Variants in B3GLCT observed in about 807,000 individuals in gnomAD.
B3GLCT encodes the protein beta 3-glucosyltransferase.
In B3GLCT, 65 loss-of-function variants were observed where a neutral mutation model predicts 63.4. That is an observed-to-expected ratio of 1.03 (90% confidence interval 0.84 to 1.26). The LOEUF (loss-of-function observed/expected upper bound fraction) is 1.26. Ranked by LOEUF, B3GLCT falls within the 50% of genes most tolerant of loss-of-function variation. B3GLCT has a pLI of 0.00. For synonymous variants in B3GLCT, 233 were observed against 219.2 expected (o/e 1.06, Z -0.55); for missense variants, 577 against 604.8 (o/e 0.95, Z 0.48).
intron 12 of B3GLCT, among the ~76,000 whole-genome samples, chr13:31,289,609 C>T (rs964066390): frequency 3.2e-4 from 16 of 50,090 alleles, no homozygotes; most frequent in South Asian, 1.4e-3. Context: ...CTTTAGCCAT[C>T]GTGCTAAAAG....
chr13:31,228,880 T>G (rs1566050775), intron 3 of B3GLCT, among the ~76,000 whole-genome samples: 1 of 152,232 alleles, frequency 6.6e-6, no homozygotes, highest in African/African-American at 2.4e-5. Context: ...ATTAGTGTTC[T>G]AGATATTTTC....
intron 1 of B3GLCT, among the ~76,000 whole-genome samples, chr13:31,209,787 C>T (rs1869164452): frequency 6.6e-6 from 1 of 152,198 alleles, no homozygotes; most frequent in Non-Finnish European, 1.5e-5. Context: ...TGGTTCCTGC[C>T]AGCGCCCTCT....
intron 3 of B3GLCT, among the ~76,000 whole-genome samples, chr13:31,227,772 G>A (rs1380147796): frequency 1.3e-5 from 2 of 152,156 alleles, no homozygotes; most frequent in African/African-American, 4.8e-5. Flanking sequence ...AAAATATAAT[G>A]GAATAAAATT....
At chr13:31,219,807 T>G (rs1256769352) in intron 2 of B3GLCT, among the ~76,000 whole-genome samples, 1 of 152,216 alleles carries the variant, frequency 6.6e-6, no homozygotes, top group Non-Finnish European at 1.5e-5. Context: ...CTTTCCTACC[T>G]GAACAAATCA....
intron 12 of B3GLCT, among the ~76,000 whole-genome samples, chr13:31,298,309 C>G (rs1426723588): frequency 6.6e-6 from 1 of 152,180 alleles, no homozygotes; most frequent in Non-Finnish European, 1.5e-5. Flanking sequence ...ATCAAAAGAA[C>G]ATACAACTCA....
chr13:31,324,686 C>T (rs557268021), intron 14 of B3GLCT, among the ~76,000 whole-genome samples: 132 of 152,198 alleles, frequency 8.7e-4, no homozygotes, highest in African/African-American at 3.2e-3. Context: ...GATGCCTTCT[C>T]TTATATTGAA....
chr13:31,261,142 A>C, intron 7 of B3GLCT, 60 bp downstream of exon 7: 1 of 1,564,750 alleles, frequency 6.4e-7, no homozygotes, highest in Non-Finnish European at 8.8e-7. Context: ...CTTTAATTTC[A>C]TTGAGTACTG....
chr13:31,236,148 A>T (rs749027438), intron 4 of B3GLCT, among the ~76,000 whole-genome samples: 1 of 152,128 alleles, frequency 6.6e-6, no homozygotes, highest in Non-Finnish European at 1.5e-5. Context: ...CCTGTTCCCT[A>T]TTCCTTTTTG....
At chr13:31,205,745 T>G (rs73443552) in intron 1 of B3GLCT, among the ~76,000 whole-genome samples, 2,175 of 152,284 alleles carry the variant, frequency 0.014, 50 homozygotes, top group African/African-American at 0.05. Context: ...ATAAATTCAT[T>G]TAAGCATTTA....
chr13:31,229,328 T>C, intron 4 of B3GLCT, 34 bp downstream of exon 4: 1 of 1,260,926 alleles, frequency 7.9e-7, no homozygotes, highest in Non-Finnish European at 1.2e-6. Context: ...CTGCCAGTTA[T>C]GTATTTCTTG....
chr13:31,232,439 C>T (rs932750), intron 4 of B3GLCT, among the ~76,000 whole-genome samples: 93,088 of 151,844 alleles, frequency 0.61, 30,124 homozygotes, highest in Middle Eastern at 0.75. Flanking sequence ...AGGGGAGGTG[C>T]TACACACTTT....
intron 4 of B3GLCT, among the ~76,000 whole-genome samples, chr13:31,231,872 A>G (rs1870397657): frequency 6.6e-6 from 1 of 152,234 alleles, no homozygotes; most frequent in South Asian, 2.1e-4. Context: ...GATAGGGCCC[A>G]GGTACAAGAG....
rs191892306 is a variant in B3GLCT, at chr13:31,214,966, T to C, written c.71-85T>C. ...TATGTCTTGTTAAAGTATCTTTTTT[T>C]ATTATAAGCAAAACTGTTGGATGTG... On this transcript the variant is annotated intron_variant, in intron 1 of 14. Coordinates refer to ENST00000343307, the MANE Select transcript of B3GLCT (RefSeq NM_194318.4). 20,342 of 1,311,442 alleles carry C rather than the reference T, an allele frequency of 0.016. 216 individuals are homozygous for C. The highest frequency in any genetic ancestry group is 0.019 in the Non-Finnish European group (18,205 of 938,656). 81.2% of individuals were successfully genotyped at this position (1,311,442 alleles called of 1,614,324 possible). A position where few individuals can be genotyped will look rare whatever the true frequency, so the allele number is the denominator to read the frequency against.
At chr13:31,209,073 AG>A (rs1216397177) in intron 1 of B3GLCT, among the ~76,000 whole-genome samples, 1 of 152,160 alleles carries the variant, frequency 6.6e-6, no homozygotes, top group Non-Finnish European at 1.5e-5. Context: ...AAAACCCAAG[AG>A]GGAGAGAATA....
chr13:31,331,438 C>A lies in B3GLCT; in HGVS notation c.*1770C>A. On this transcript the variant is annotated 3_prime_UTR_variant, in exon 15 of 15. Coordinates refer to ENST00000343307, the MANE Select transcript of B3GLCT (RefSeq NM_194318.4). ...CCTTCTACTGATACCGGGGCACCTC[C>A]TCTGGTACTTTTAAGTGTTTTGTTA... 6.6e-6 allele frequency: 1 copy of A among 152,194 alleles called. No individual in the cohort carries two copies. The allele number at this position is 152,194 out of a possible 1,614,324, so 9.4% of individuals were successfully genotyped here.
intron 4 of B3GLCT, among the ~76,000 whole-genome samples, chr13:31,240,959 C>G (rs896786083): frequency 6.6e-6 from 1 of 152,150 alleles, no homozygotes; most frequent in African/African-American, 2.4e-5. Flanking sequence ...CATTCTCTCA[C>G]TTAAATAATA....
At chr13:31,236,200 A>G (rs1469359865) in intron 4 of B3GLCT, among the ~76,000 whole-genome samples, 3 of 152,192 alleles carry the variant, frequency 2.0e-5, no homozygotes, top group Non-Finnish European at 4.4e-5. Context: ...CACACACAGC[A>G]TTAGAACCTG....
At chr13:31,309,609 G>A (rs1388457168) in intron 12 of B3GLCT, among the ~76,000 whole-genome samples, 1 of 152,228 alleles carries the variant, frequency 6.6e-6, no homozygotes, top group East Asian at 1.9e-4. Flanking sequence ...TTATTTTAAA[G>A]GATATTATCA....
intron 4 of B3GLCT, among the ~76,000 whole-genome samples, chr13:31,231,630 C>A (rs1870385902): frequency 6.6e-6 from 1 of 152,160 alleles, no homozygotes; most frequent in African/African-American, 2.4e-5. Flanking sequence ...CTGCCTTTCC[C>A]CTTCTGTTCT....
Sources: gnomAD v4.1 joint callset for allele counts (sites outside exome capture counted in the v4.1 genomes callset) on GRCh38, gnomAD v4.1.1 for gene constraint, MANE v1.5 for transcripts, NCBI Gene and HGNC (gene_info 2026-07-23, HGNC 2026-07-21) for gene names.